ZNF782: variants seen among roughly 807,000 people sequenced by gnomAD.
The protein encoded by ZNF782 is zinc finger protein 782.
ZNF782 carries 12 observed loss-of-function variants against 13.0 expected under a neutral mutation model. That is an observed-to-expected ratio of 0.92 (90% CI 0.59 to 1.50). ZNF782 has a LOEUF of 1.50. Ranked by LOEUF, ZNF782 falls within the 40% of genes most tolerant of loss-of-function variation. The pLI is 0.00. For synonymous variants in ZNF782, 284 were observed against 283.0 expected, an observed-to-expected ratio of 1.00 and a Z score of -0.04; for missense variants, 770 against 822.9, an observed-to-expected ratio of 0.94 and a Z score of 0.79.
At chr9:96,920,121 A>G in the ZNF782 span, among the ~76,000 whole-genome samples, 180 of 150,210 alleles carry the variant, frequency 1.2e-3, 2 homozygotes, top group African/African-American at 4.3e-3. Flanking sequence ...CCAAAAGAAA[A>G]TGTGAAGTTT....
chr9:96,885,716 A>G, the ZNF782 span, among the ~76,000 whole-genome samples: 1 of 152,172 alleles, frequency 6.6e-6, no homozygotes, highest in Non-Finnish European at 1.5e-5. Flanking sequence ...AAACAAAAAA[A>G]AACAAAGAAA....
the ZNF782 span, chr9:96,931,820 C>A: frequency 1.9e-6 from 3 of 1,612,230 alleles, no homozygotes; most frequent in Non-Finnish European, 2.5e-6. Flanking sequence ...CGGCCCAACA[C>A]ACAGGCCGCC....
the ZNF782 span, among the ~76,000 whole-genome samples, chr9:96,896,888 G>A: frequency 6.6e-6 from 1 of 152,228 alleles, no homozygotes; most frequent in Non-Finnish European, 1.5e-5. Context: ...TAGAACTGTG[G>A]AGCATGCCAT....
chr9:96,848,044 T>C (rs1031469836), intron 3 of ZNF782, among the ~76,000 whole-genome samples: 2 of 152,236 alleles, frequency 1.3e-5, no homozygotes, highest in African/African-American at 4.8e-5. Context: ...ATACATCATG[T>C]AAACATAACT....
chr9:96,895,736 T>A, the ZNF782 span: 1 of 152,020 alleles, frequency 6.6e-6, no homozygotes, highest in African/African-American at 2.4e-5. Flanking sequence ...AGGTGATCAA[T>A]GGAGTTTTAG....
chr9:96,856,940 G>A (rs1293111847), upstream of ZNF782, among the ~76,000 whole-genome samples: 2 of 152,158 alleles, frequency 1.3e-5, no homozygotes, highest in Admixed American at 6.5e-5. Context: ...CTGACTATGG[G>A]GAATGTTTTA....
At chr9:96,899,686 G>A in the ZNF782 span, among the ~76,000 whole-genome samples, 1 of 152,166 alleles carries the variant, frequency 6.6e-6, no homozygotes, top group Non-Finnish European at 1.5e-5. Flanking sequence ...GACTGGCAGG[G>A]AAAAGCAGTC....
At position 96,827,148 on chromosome 9, in the gene ZNF782, G is replaced by A; in HGVS notation, c.176C>T (p.Thr59Ile). The change falls in exon 5 of 6, where the codon ACA becomes ATA. Residue 59 changes from threonine to isoleucine, a missense_variant. Transcript: ENST00000481138. ...YCFTKPELIFTLEQGEDPWLL... is the reference protein window; with the variant it reads ...YCFTKPELIFILEQGEDPWLL... ...CCATGGATCTTCTCCTTGTTCCAAT[G>A]TGAAGATCAGTTCTGGTTTTGTAAA... 6.2e-7 allele frequency: 1 copy of A among 1,612,242 alleles called. No individual in the cohort carries two copies. The highest frequency in any genetic ancestry group is 2.2e-5 in the East Asian group (1 of 44,842).
chr9:96,825,542 C>T (rs1422929865), intron 5 of ZNF782, among the ~76,000 whole-genome samples: 1 of 150,484 alleles, frequency 6.6e-6, no homozygotes, highest in Non-Finnish European at 1.5e-5. Flanking sequence ...CAACAAAAGC[C>T]AAAATTGACA....
rs374788051 is a variant in ZNF782, at chr9:96,817,996, C to G, written c.2027G>C (p.Cys676Ser). Residue 676 changes from cysteine to serine, a missense_variant, in exon 6 of 6, where the codon TGT becomes TCT. Coordinates refer to ENST00000481138, the MANE Select transcript of ZNF782 (RefSeq NM_001001662.3). ...ACTGAAAGTTCTCCCACATTTATCA[C>G]ATTTATAGGGTTTCTCCCCTGTGTG... Reference protein sequence around the residue: ...RTHTGEKPYKCDKCGRTFSQK... With the variant: ...RTHTGEKPYKSDKCGRTFSQK... The G allele has an allele frequency of 1.2e-6, 2 of 1,611,892 alleles. No individual in the cohort carries two copies. Among genetic ancestry groups the G allele is most frequent in the African/African-American group, 2.7e-5 (2 of 74,778 alleles).
intron 5 of ZNF782, among the ~76,000 whole-genome samples, chr9:96,820,611 G>T (rs576670468): frequency 1.3e-5 from 2 of 150,720 alleles, no homozygotes; most frequent in African/African-American, 4.9e-5. Context: ...GTATAGTGGC[G>T]TGATCTTGGC....
chr9:96,911,922 T>A, the ZNF782 span, among the ~76,000 whole-genome samples: 1 of 151,912 alleles, frequency 6.6e-6, no homozygotes, highest in Non-Finnish European at 1.5e-5. Context: ...AAAGGCCGGC[T>A]GGCATGGCGG....
At chr9:96,876,314 A>G (rs1851892146), upstream of ZNF782, among the ~76,000 whole-genome samples, 1 of 152,250 alleles carries the variant, frequency 6.6e-6, no homozygotes, top group African/African-American at 2.4e-5. Flanking sequence ...AGGATAGTTA[A>G]TTCACTTTAC....
chr9:96,847,302 G>C (rs989235835), intron 3 of ZNF782, among the ~76,000 whole-genome samples: 4 of 151,954 alleles, frequency 2.6e-5, no homozygotes, highest in Non-Finnish European at 5.9e-5. Context: ...CCCAAAGCTA[G>C]CAGGACAAAA....
the ZNF782 span, chr9:96,932,461 CAT>C: frequency 1.2e-4 from 152 of 1,263,006 alleles, no homozygotes; most frequent in Non-Finnish European, 1.6e-4. Flanking sequence ...GCAGCTCACT[CAT>C]AAAGAGGCTG....
chr9:96,905,955 A>G, the ZNF782 span, among the ~76,000 whole-genome samples: 2 of 152,036 alleles, frequency 1.3e-5, no homozygotes. Context: ...TTCTTGGGAG[A>G]GGTCCAAGAA....
intron 4 of ZNF782, among the ~76,000 whole-genome samples, chr9:96,844,350 A>ATATCCAAAAATATCCGTATTAT (rs1851280017): frequency 2.0e-5 from 3 of 152,218 alleles, no homozygotes; most frequent in African/African-American, 7.2e-5. Flanking sequence ...CCGTATGTTG[A>ATATCCAAAAATATCCGTATTAT]CCAACTGATA....
chr9:96,847,414 C>A (rs56165913), intron 3 of ZNF782, among the ~76,000 whole-genome samples: 5,958 of 152,142 alleles, frequency 0.039, 377 homozygotes, highest in African/African-American at 0.13. Flanking sequence ...AACTGATAGA[C>A]CTTCAGCTAG....
chr9:96,932,950 C>T, the ZNF782 span, among the ~76,000 whole-genome samples: 2 of 151,048 alleles, frequency 1.3e-5, no homozygotes, highest in Non-Finnish European at 1.5e-5. Context: ...TGCCCCGCCC[C>T]AATACTTACT....
Sources: allele counts gnomAD v4.1 joint callset (sites outside exome capture counted in the v4.1 genomes callset), GRCh38; gene constraint gnomAD v4.1.1; transcripts MANE v1.5; gene names NCBI Gene and HGNC (gene_info 2026-07-23, HGNC 2026-07-21).